CYP4A11: variants seen among roughly 807,000 people sequenced by gnomAD.
The protein encoded by CYP4A11 is cytochrome P450 4A11.
CYP4A11 carries 52 observed loss-of-function variants against 57.7 expected under a neutral mutation model. The observed-to-expected ratio is 0.90, with a 90% CI of 0.72 to 1.14. The LOEUF (loss-of-function observed/expected upper bound fraction) is 1.14, where lower values mean the gene tolerates loss of function less well. CYP4A11 is among the 50% of genes most tolerant of loss of function. The probability of loss-of-function intolerance (pLI) is 0.00; values close to 1 mark genes in which losing one functional copy is unlikely to be tolerated. For synonymous variants in CYP4A11, 228 were observed against 247.1 expected (o/e 0.92, Z 0.72); for missense variants, 641 against 642.1 (o/e 1.00, Z 0.02).
intron 2 of CYP4A11, 70 bp from the exon 3 acceptor site, chr1:46,937,416 A>C: frequency 6.6e-7 from 1 of 1,519,190 alleles, no homozygotes; most frequent in Non-Finnish European, 9.1e-7. Context: ...GGCTGCATCA[A>C]TTCTTGGTGT....
chr1:46,936,818 TG>T, intron 3 of CYP4A11, 27 bp from the exon 4 acceptor site: 6 of 36,482 alleles, frequency 1.6e-4, no homozygotes, highest in Non-Finnish European at 1.7e-4. Flanking sequence ...TGTGTGTTTG[TG>T]TGTGTGTGTG....
At chr1:46,938,667 A>C (rs1681569214) in intron 1 of CYP4A11, among the ~76,000 whole-genome samples, 1 of 152,232 alleles carries the variant, frequency 6.6e-6, no homozygotes, top group Non-Finnish European at 1.5e-5. Context: ...AGTATTCTAC[A>C]TGTTGAATAT....
intron 2 of CYP4A11, among the ~76,000 whole-genome samples, chr1:46,937,621 G>T (rs1449515843): frequency 6.6e-6 from 1 of 152,122 alleles, no homozygotes; most frequent in Admixed American, 6.5e-5. Context: ...TAGAGCCATG[G>T]GTTTTTCTAC....
chr1:46,936,172 G>A (rs1284244325), intron 4 of CYP4A11, among the ~76,000 whole-genome samples: 2 of 152,218 alleles, frequency 1.3e-5, no homozygotes, highest in Non-Finnish European at 2.9e-5. Context: ...TGGAGATGAT[G>A]CTATCTATGG....
chr1:46,940,689 G>A, intron 1 of CYP4A11: 9 of 985,414 alleles, frequency 9.1e-6, no homozygotes, highest in African/African-American at 1.7e-5. Context: ...TACTTAGCCA[G>A]TTGGTCCCCT....
intron 6 of CYP4A11, 71 bp from the exon 7 acceptor site, chr1:46,934,630 C>T (rs566344893): frequency 6.9e-7 from 1 of 1,445,586 alleles, no homozygotes; most frequent in African/African-American, 1.4e-5. Flanking sequence ...AGCTGCCCAA[C>T]TGCCCCAGTG....
intron 1 of CYP4A11, 66 bp from the exon 2 acceptor site, chr1:46,938,203 G>A (rs907028962): frequency 5.3e-5 from 85 of 1,596,120 alleles, no homozygotes; most frequent in Non-Finnish European, 7.0e-5. Context: ...GGAGTGAAGG[G>A]CAGGACAACT....
intron 11 of CYP4A11, chr1:46,931,945 T>C (rs1476100999): frequency 1.0e-6 from 1 of 984,424 alleles, no homozygotes; most frequent in Non-Finnish European, 1.2e-6. Context: ...ATATTTCACA[T>C]ACCAGGAGGC....
rs772116129 is a variant in CYP4A11, at chr1:46,933,021, C to G, written c.1249G>C (p.Gly417Arg). Residue 417 changes from glycine to arginine, a missense_variant, in exon 10 of 12, where the codon GGC becomes CGC. Physicochemically the swap from Gly to Arg is moderately radical, Grantham distance 125 (BLOSUM62 -2). Transcript: ENST00000310638. The stretch of plus-strand genomic sequence containing the variant: ...CACACTTTTGGGTTGTGGTGAAGGC[C>G]ATAAATGGAGAGGAGGACCATGATA... ...KGIMVLLSIY[G>R]LHHNPKVWPN... is the part of the protein sequence containing the mutation. 1.8e-5 allele frequency: 29 copies of G among 1,614,114 alleles called. No homozygotes were observed. Among genetic ancestry groups the G allele is most frequent in the Non-Finnish European group, 2.4e-5 (28 of 1,180,034 alleles).
In CYP4A11 at chr1:46,929,242, A is replaced by C. The variant is rs1167963711; in HGVS notation, c.*873T>G. On this transcript the variant is annotated 3_prime_UTR_variant, in exon 12 of 12. Transcript: ENST00000310638. The stretch of plus-strand genomic sequence containing the variant: ...ATAGGAAACTAATATAGGAACAGAC[A>C]AGCAGGCAGGAAGAAGGAGACAGGT... The C allele has an allele frequency of 6.6e-6, 1 of 152,196 alleles. No individual in the cohort carries two copies. Among genetic ancestry groups the C allele is most frequent in the South Asian group, 2.1e-4 (1 of 4,832 alleles). The allele number at this position is 152,196 out of a possible 1,614,324, so 9.4% of individuals were successfully genotyped here. A position where few individuals can be genotyped will look rare whatever the true frequency, so the allele number is the denominator to read the frequency against.
At chr1:46,937,201 G>C (rs1681462353) in intron 3 of CYP4A11, 101 bp downstream of exon 3, 2 of 1,381,834 alleles carry the variant, frequency 1.4e-6, no homozygotes, top group African/African-American at 2.9e-5. Context: ...TGGGGATAAG[G>C]TCATGATAGT....
At chr1:46,935,792 G>C in intron 4 of CYP4A11, 145 bp from the exon 5 acceptor site, 2 of 1,485,736 alleles carry the variant, frequency 1.3e-6, no homozygotes, top group Non-Finnish European at 1.8e-6. Flanking sequence ...TTACAGAGCA[G>C]ATGCATTGTA....
rs576444404 is a variant in CYP4A11, at chr1:46,940,482, C to T, written c.195+757G>A. ...CACAGGAAGGGGATGACATGCTCAC[C>T]GCCAGGGAGCTCACAGTCCGGGTGT... On this transcript the variant is annotated intron_variant, in intron 1 of 11. Coordinates refer to ENST00000310638, the MANE Select transcript of CYP4A11 (RefSeq NM_000778.4). 4.6e-5 allele frequency among the ~76,000 whole-genome samples: 7 copies of T among 152,198 alleles called. No homozygotes were observed. The East Asian group carries it at 5.8e-4, about 13-fold the overall frequency.
intron 4 of CYP4A11, among the ~76,000 whole-genome samples, chr1:46,935,854 C>T (rs1341725461): frequency 6.6e-6 from 1 of 152,246 alleles, no homozygotes; most frequent in Non-Finnish European, 1.5e-5. Flanking sequence ...AATTCTCACA[C>T]ACTTTTAATA....
chr1:46,935,115 G>A lies in CYP4A11; in HGVS notation c.675C>T (p.Asn225=). Residue 225 remains asparagine, a synonymous_variant, in exon 6 of 12, where the codon AAC becomes AAT. Coordinates refer to ENST00000310638, the MANE Select transcript of CYP4A11 (RefSeq NM_000778.4). Reference sequence around the variant, plus strand: ...TCCTCACACGGGAAAAAACCAGGTTGTTCAGGTCACTAATGGCCTGTATGT... The same window carrying A: ...TCCTCACACGGGAAAAAACCAGGTTATTCAGGTCACTAATGGCCTGTATGT... ...QSYIQAISDL[N]NLVFSRVRNA... is the part of the protein sequence containing the mutation. 1 of 1,614,184 alleles carries A rather than the reference G, an allele frequency of 6.2e-7. No homozygotes were observed. Among genetic ancestry groups the A allele is most frequent in the South Asian group, 1.1e-5 (1 of 91,074 alleles).
In CYP4A11 at chr1:46,935,641, A is replaced by G; in HGVS notation, c.517T>C (p.Trp173Arg). The part of the protein sequence containing the change: ...ADSVRVMLDK[W>R]EELLGQDSPL... ...GAATCCTGGCCAAGGAGCTCTTCCC[A>G]TTTGTCCTGTGGTGGGAGGGGGCAT... Residue 173 changes from tryptophan to arginine, a missense_variant, in exon 5 of 12, where the codon TGG (tryptophan) becomes CGG (arginine). Trp to Arg is a moderately radical substitution (Grantham distance 101, BLOSUM62 -3). Coordinates refer to ENST00000310638, the MANE Select transcript of CYP4A11 (RefSeq NM_000778.4). 1 of 1,613,350 alleles carries G rather than the reference A, an allele frequency of 6.2e-7. No individual in the cohort carries two copies. Among genetic ancestry groups the G allele is most frequent in the Non-Finnish European group, 8.5e-7 (1 of 1,179,586 alleles).
chr1:46,941,244 G>A lies in CYP4A11; in HGVS notation c.190C>T (p.Gln64Ter), dbSNP rs765216120. 3 of 1,612,932 alleles carry A rather than the reference G, an allele frequency of 1.9e-6. No individual in the cohort carries two copies. The highest frequency in any genetic ancestry group is 3.3e-5 in the Admixed American group (2 of 59,978). Residue 64 changes from glutamine to a stop codon, truncating the protein, a stop_gained, in exon 1 of 12, where the codon CAG becomes TAG. Coordinates refer to ENST00000310638, the MANE Select transcript of CYP4A11 (RefSeq NM_000778.4). LOFTEE classifies it high-confidence loss of function. ...PPSHWLFGHI[Q>*]ELQQDQELQR... Reference sequence around the variant, plus strand: ...CCCATTGAGTTCCTCCCTACCTCCTGGATGTGCCCGAAGAGCCAGTGGGAG... The same window carrying A: ...CCCATTGAGTTCCTCCCTACCTCCTAGATGTGCCCGAAGAGCCAGTGGGAG...
Position 46,930,121 on chromosome 1 carries a change from C to T in CYP4A11, c.1554G>A (p.Gln518=), listed in dbSNP as rs1465304723. Reference sequence around the variant, plus strand: ...GGACGGCAGGTGGAGGCCCTCAAAGCTGGTCCTTGTCTTCACAAGGGTTAG... The same window carrying T: ...GGACGGCAGGTGGAGGCCCTCAAAGTTGGTCCTTGTCTTCACAAGGGTTAG... ...RLPNPCEDKD[Q]L Residue 518 remains glutamine (Q), a synonymous_variant, in exon 12 of 12, where the codon CAG becomes CAA. Coordinates refer to ENST00000310638, the MANE Select transcript of CYP4A11 (RefSeq NM_000778.4). 8 of 1,610,348 alleles carry T rather than the reference C, an allele frequency of 5.0e-6. No individual in the cohort carries two copies. Among genetic ancestry groups the T allele is most frequent in the African/African-American group, 1.3e-5 (1 of 74,850 alleles).
At chr1:46,931,825 G>T in intron 11 of CYP4A11, 2 of 825,418 alleles carry the variant, frequency 2.4e-6, no homozygotes, top group Non-Finnish European at 2.9e-6. Context: ...AATTTATATC[G>T]TTTTTGCCTG....
Sources: gnomAD v4.1 joint callset for allele counts (sites outside exome capture counted in the v4.1 genomes callset) on GRCh38, gnomAD v4.1.1 for gene constraint, MANE v1.5 for transcripts, NCBI Gene and HGNC (gene_info 2026-07-23, HGNC 2026-07-21) for gene names.